ZMYM4: variants seen among roughly 807,000 people sequenced by gnomAD.
ZMYM4 encodes the protein zinc finger MYM-type containing 4.
ZMYM4 carries 31 observed loss-of-function variants against 183.2 expected under a neutral mutation model. That is an observed-to-expected ratio of 0.17 (90% CI 0.13 to 0.23). The LOEUF (loss-of-function observed/expected upper bound fraction) is 0.23, where lower values mean the gene tolerates loss of function less well. Among genes scored for constraint, ZMYM4 ranks in the 10% least tolerant of loss-of-function variants. ZMYM4 has a pLI of 1.00. For synonymous variants in ZMYM4, 592 were observed against 631.2 expected (o/e 0.94, Z 0.93); for missense variants, 1,273 against 1,840.3 (o/e 0.69, Z 5.64).
chr1:35,359,490 T>G (rs1405404669), intron 3 of ZMYM4, 44 bp downstream of exon 3: 9 of 1,480,726 alleles, frequency 6.1e-6, no homozygotes, highest in African/African-American at 1.4e-5. Context: ...AATTAAAAAT[T>G]ACCGATCATA....
Position 35,302,079 on chromosome 1 carries a change from C to G in ZMYM4, c.40-23281C>G, listed in dbSNP as rs1557951584. Among the ~76,000 whole-genome samples, 3 of 152,120 alleles carry G rather than the reference C, an allele frequency of 2.0e-5. No homozygotes were observed. The South Asian group carries it at 6.2e-4, about 31-fold the overall frequency. On this transcript the variant is annotated intron_variant, in intron 1 of 29. Coordinates refer to ENST00000314607, the MANE Select transcript of ZMYM4 (RefSeq NM_005095.3). The stretch of plus-strand genomic sequence containing the variant: ...ATAGCCGAAAAGTTGAAATCCTGTT[C>G]CATTCATTTTTGTTGTCTGAGCGCA...
chr1:35,399,388 G>C (rs1644863120), intron 22 of ZMYM4, 94 bp from the exon 23 acceptor site: 1 of 1,136,848 alleles, frequency 8.8e-7, no homozygotes, highest in Non-Finnish European at 1.3e-6. Context: ...AATGAATATA[G>C]TGATGATTAC....
chr1:35,359,311 G>A lies in ZMYM4; in HGVS notation c.472G>A (p.Val158Ile), dbSNP rs765960780. Residue 158 changes from valine to isoleucine, a missense_variant, in exon 3 of 30, where the codon GTA (valine) becomes ATA (isoleucine). Val to Ile is a conservative substitution (Grantham distance 29). Coordinates refer to ENST00000314607, the MANE Select transcript of ZMYM4 (RefSeq NM_005095.3). ...ATCAATACGGAAAGATTTTAGTCTA[G>A]TAAGAGAAAACAGCAAAGAGACATT... ...FKSIRKDFSL[V>I]RENSKETFSG... 6.2e-7 allele frequency: 1 copy of A among 1,610,752 alleles called. No individual in the cohort carries two copies. The highest frequency in any genetic ancestry group is 1.1e-5 in the South Asian group (1 of 89,898).
rs550194976 is a variant in ZMYM4, at chr1:35,421,212, G to A, written c.*1535G>A. ...AAAGGCATTTAAGTAAAACTAAAAT[G>A]AAAAAAGTAGGCCTTCTGACATTGT... On this transcript the variant is annotated 3_prime_UTR_variant, in exon 30 of 30. Transcript: ENST00000314607. The A allele has an allele frequency of 2.8e-4, 42 of 152,622 alleles. No individual in the cohort carries two copies. Among genetic ancestry groups the A allele is most frequent in the Admixed American group, 1.4e-3 (21 of 15,282 alleles). 9.5% of individuals were successfully genotyped at this position (152,622 alleles called of 1,614,324 possible). A position where few individuals can be genotyped will look rare whatever the true frequency, so the allele number is the denominator to read the frequency against.
chr1:35,419,455 T>TC lies in ZMYM4; in HGVS notation c.4440-15_4440-14insC. 1 of 1,605,928 alleles carries TC rather than the reference T, an allele frequency of 6.2e-7. No homozygotes were observed. Among genetic ancestry groups the TC allele is most frequent in the Non-Finnish European group, 8.5e-7 (1 of 1,177,556 alleles). On this transcript the variant is annotated splice_polypyrimidine_tract_variant and intron_variant, in intron 29 of 29. Coordinates refer to ENST00000314607, the MANE Select transcript of ZMYM4 (RefSeq NM_005095.3). ...AATTTTCTTTTTTCTCTTTTTTTTT[T>TC]TCCCCTGTGGATAGTTCTGAAAGTG...
intron 2 of ZMYM4, among the ~76,000 whole-genome samples, chr1:35,345,960 G>C (rs1009728049): frequency 1.3e-5 from 2 of 152,100 alleles, no homozygotes; most frequent in African/African-American, 4.8e-5. Context: ...TCTTCTTTCA[G>C]CCTGTGGCAA....
chr1:35,293,461 T>C (rs1001778804), intron 1 of ZMYM4, among the ~76,000 whole-genome samples: 1 of 151,912 alleles, frequency 6.6e-6, no homozygotes, highest in African/African-American at 2.4e-5. Context: ...TTACAGGCAA[T>C]GCGCCACCAC....
intron 7 of ZMYM4, among the ~76,000 whole-genome samples, chr1:35,373,932 G>A (rs1247220561): frequency 6.7e-6 from 1 of 149,240 alleles, no homozygotes; most frequent in Non-Finnish European, 1.5e-5. Context: ...TATACTGCTT[G>A]AATTGTAAAA....
At chr1:35,311,264 A>G (rs1275226919) in intron 1 of ZMYM4, among the ~76,000 whole-genome samples, 1 of 152,030 alleles carries the variant, frequency 6.6e-6, no homozygotes, top group Admixed American at 6.6e-5. Flanking sequence ...TACTAAAAAC[A>G]CAAAAAAATT....
At chr1:35,409,899 C>A (rs77411920) in intron 26 of ZMYM4, among the ~76,000 whole-genome samples, 1 of 151,678 alleles carries the variant, frequency 6.6e-6, no homozygotes, top group Non-Finnish European at 1.5e-5. Context: ...AAGATCGCGC[C>A]CCTGCACTTC....
rs139535337 is a variant in ZMYM4 at position 35,389,781 on chromosome 1, A to ATGTGTG, written c.2437-145_2437-140dup. Among the ~76,000 whole-genome samples the ATGTGTG allele has an allele frequency of 0.038, 5,312 of 141,390 alleles. 310 individuals carry two copies. Among genetic ancestry groups the ATGTGTG allele is most frequent in the African/African-American group, 0.13 (4,819 of 37,594 alleles). The allele number at this position is 141,390 out of a possible 152,430, so 92.8% of individuals were successfully genotyped here. On this transcript the variant is annotated intron_variant, in intron 14 of 29. Transcript: ENST00000314607. This position sits in a 1 kb window ranked among gnomAD's most constrained non-coding sequence, Gnocchi z 4.0. ...AAAAAAAAAAAAAATATATATATAT[A>ATGTGTG]TGTGTGTGTGTGTGTGTGTGTGTGT...
At chr1:35,298,454 A>C (rs1362250778) in intron 1 of ZMYM4, among the ~76,000 whole-genome samples, 2 of 152,146 alleles carry the variant, frequency 1.3e-5, no homozygotes, top group Non-Finnish European at 2.9e-5. Context: ...CTGGCTAAGA[A>C]GATAGGCTGG....
intron 1 of ZMYM4, among the ~76,000 whole-genome samples, chr1:35,322,208 AC>A (rs1310127932): frequency 1.3e-5 from 2 of 152,074 alleles, no homozygotes; most frequent in African/African-American, 4.8e-5. Context: ...TTCTTTGATC[AC>A]TTTCTATTGG....
At chr1:35,390,301 T>C (rs1644676234) in intron 15 of ZMYM4, among the ~76,000 whole-genome samples, 1 of 152,186 alleles carries the variant, frequency 6.6e-6, no homozygotes, top group Non-Finnish European at 1.5e-5. Flanking sequence ...CCAAACAGGC[T>C]TTGTGTGAGC....
chr1:35,366,004 A>G (rs1009537676), intron 5 of ZMYM4: 1 of 152,252 alleles, frequency 6.6e-6, no homozygotes, highest in African/African-American at 2.4e-5. Context: ...TGCAATAGCC[A>G]TCACAGAGAC....
intron 7 of ZMYM4, among the ~76,000 whole-genome samples, chr1:35,376,998 C>T (rs947813798): frequency 6.6e-6 from 1 of 152,006 alleles, no homozygotes; most frequent in Non-Finnish European, 1.5e-5. Context: ...CTTCCGCCTC[C>T]CAGGTTCAAG....
At chr1:35,316,998 T>TA (rs1642073829) in intron 1 of ZMYM4, among the ~76,000 whole-genome samples, 2 of 151,686 alleles carry the variant, frequency 1.3e-5, no homozygotes, top group South Asian at 2.1e-4. Context: ...GGCAGGCGTC[T>TA]CTAACCCCAG....
chr1:35,313,789 TA>T (rs1174664934), intron 1 of ZMYM4, among the ~76,000 whole-genome samples: 1 of 152,160 alleles, frequency 6.6e-6, no homozygotes, highest in Non-Finnish European at 1.5e-5. Flanking sequence ...ATTTTTATTT[TA>T]AAAATTTATG....
rs777312250 is a variant in ZMYM4, at chr1:35,359,277, T to C, written c.438T>C (p.Ser146=). The C allele has an allele frequency of 1.2e-6, 2 of 1,608,838 alleles. No homozygotes were observed. The highest frequency in any genetic ancestry group is 2.2e-5 in the South Asian group (2 of 89,418). ...TTCCTAAACAATTTGATCAGGTTTCTGTCTTTAAATCAATACGGAAAGATT... is the reference window on the plus strand; with the variant it reads ...TTCCTAAACAATTTGATCAGGTTTCCGTCTTTAAATCAATACGGAAAGATT... ...KDFPKQFDQV[S]VFKSIRKDFS... The change falls in exon 3 of 30, where the codon TCT becomes TCC. Residue 146 remains serine (S), a synonymous_variant. Transcript: ENST00000314607.
Sources: allele counts gnomAD v4.1 joint callset (sites outside exome capture counted in the v4.1 genomes callset), GRCh38; gene constraint gnomAD v4.1.1; non-coding constraint Gnocchi (gnomAD v3.1); transcripts MANE v1.5; gene names NCBI Gene and HGNC (gene_info 2026-07-23, HGNC 2026-07-21).